MPPED2: variants seen among roughly 807,000 people sequenced by gnomAD.
MPPED2 encodes metallophosphoesterase domain containing 2.
A neutral mutation model predicts 33.0 loss-of-function variants in MPPED2; 5 were observed. That is an observed-to-expected ratio of 0.15 (90% confidence interval 0.08 to 0.32). The LOEUF (loss-of-function observed/expected upper bound fraction) is 0.32. Ranked by LOEUF, MPPED2 falls within the 10% of genes least tolerant of loss-of-function variation. The pLI is 1.00. For missense variants in MPPED2, 275 were observed against 372.1 expected (o/e 0.74, Z 2.15); for synonymous variants, 136 against 141.9 (o/e 0.96, Z 0.29).
downstream of MPPED2, among the ~76,000 whole-genome samples, chr11:30,405,443 T>A (rs1947974698): frequency 6.6e-6 from 1 of 152,216 alleles, no homozygotes; most frequent in African/African-American, 2.4e-5. Context: ...TTAGTTCCAC[T>A]GTGGCTGTGC....
In MPPED2 at chr11:30,417,546, G is replaced by A. The variant is rs780944866; in HGVS notation, c.624C>T (p.Asp208=). The change falls in exon 5 of 7, where the codon GAC becomes GAT. Residue 208 remains aspartate, a synonymous_variant. Transcript: ENST00000358117. ...DKWNLIPEGI[D]ILMTHGPPLG... ...GAGGAGGTCCATGTGTCATGAGTAT[G>A]TCAATGCCCTCAGGGATGAGGTTCC... The A allele has an allele frequency of 6.2e-7, 1 of 1,612,184 alleles. No individual in the cohort carries two copies. The highest frequency in any genetic ancestry group is 1.1e-5 in the South Asian group (1 of 91,018).
At chr11:30,425,460 C>T (rs1052024010) in intron 4 of MPPED2, 2 of 152,164 alleles carry the variant, frequency 1.3e-5, no homozygotes, top group African/African-American at 2.4e-5. Context: ...AGCATACCTG[C>T]CTTTAATCTT....
chr11:30,554,513 G>A (rs1955874393), intron 2 of MPPED2, among the ~76,000 whole-genome samples: 1 of 152,100 alleles, frequency 6.6e-6, no homozygotes, highest in Admixed American at 6.5e-5. Flanking sequence ...GTTTCATTCT[G>A]AGATAGAGTC....
At chr11:30,506,802 T>C (rs1952846451) in intron 3 of MPPED2, among the ~76,000 whole-genome samples, 1 of 152,252 alleles carries the variant, frequency 6.6e-6, no homozygotes, top group African/African-American at 2.4e-5. Flanking sequence ...TAATAACTAC[T>C]GTCATTTTTG....
chr11:30,395,682 A>C (rs1947831914), intron 6 of MPPED2, among the ~76,000 whole-genome samples: 1 of 152,192 alleles, frequency 6.6e-6, no homozygotes, highest in South Asian at 2.1e-4. Context: ...GTGAGTTAAT[A>C]ATCTAAGAGT....
intron 3 of MPPED2, among the ~76,000 whole-genome samples, chr11:30,508,656 A>G (rs1373104529): frequency 6.6e-6 from 1 of 152,166 alleles, no homozygotes; most frequent in Non-Finnish European, 1.5e-5. Flanking sequence ...CAAAATACAA[A>G]TCTGATCATA....
intron 4 of MPPED2, among the ~76,000 whole-genome samples, chr11:30,420,756 A>G (rs1388900112): frequency 6.6e-6 from 1 of 152,170 alleles, no homozygotes; most frequent in East Asian, 1.9e-4. Flanking sequence ...GAGTTCAAAG[A>G]ATCAGTCTTT....
rs1209602086 is a variant in MPPED2, at chr11:30,410,529, T to G, written c.*939A>C. On this transcript the variant is annotated 3_prime_UTR_variant, in exon 7 of 7. Coordinates refer to ENST00000358117, the MANE Select transcript of MPPED2 (RefSeq NM_001584.3). ...TTAGTTAGCTTCCATTGCATCCATTTAAGTCTATACATGCCTGTAACTGTA... is the reference window on the plus strand; with the variant it reads ...TTAGTTAGCTTCCATTGCATCCATTGAAGTCTATACATGCCTGTAACTGTA... 2.0e-6 allele frequency: 2 copies of G among 985,614 alleles called. No individual in the cohort carries two copies. Among genetic ancestry groups the G allele is most frequent in the East Asian group, 2.3e-4 (2 of 8,826 alleles). 61.1% of individuals were successfully genotyped at this position (985,614 alleles called of 1,614,324 possible).
intron 2 of MPPED2, 110 bp from the exon 3 acceptor site, chr11:30,536,285 C>T (rs1383850393): frequency 1.9e-5 from 18 of 969,616 alleles, no homozygotes; most frequent in Admixed American, 1.1e-4. Flanking sequence ...GACAAACTGA[C>T]GCAAAGGCAG....
At chr11:30,495,829 A>G (rs1385340822) in intron 3 of MPPED2, among the ~76,000 whole-genome samples, 2 of 152,190 alleles carry the variant, frequency 1.3e-5, no homozygotes, top group Non-Finnish European at 2.9e-5. Flanking sequence ...TCCACACTTT[A>G]TATTTATCCA....
intron 2 of MPPED2, among the ~76,000 whole-genome samples, chr11:30,566,017 T>TA (rs201730390): frequency 1.3e-3 from 191 of 150,410 alleles, no homozygotes; most frequent in African/African-American, 4.3e-3. Context: ...AGTTTACTAT[T>TA]AAAAAAAAAA....
chr11:30,553,365 A>C (rs1451904856), intron 2 of MPPED2, among the ~76,000 whole-genome samples: 1 of 152,228 alleles, frequency 6.6e-6, no homozygotes, highest in Admixed American at 6.5e-5. Flanking sequence ...AGGCTCTTTT[A>C]ACACCCTCAT....
rs551018663 is a variant in MPPED2, at chr11:30,497,086, G to A, written c.311-1565C>T. Among the ~76,000 whole-genome samples the A allele has an allele frequency of 9.2e-5, 14 of 152,252 alleles. No homozygotes were observed. The South Asian group carries it at 1.9e-3, about 20-fold the overall frequency. ...ACTAGCCCACAGTGCTGTATGTCAC[G>A]TCTTTGGCCTCAGTTATTTGTAAGG... is the stretch of plus-strand genomic sequence containing the variant. On this transcript the variant is annotated intron_variant, in intron 3 of 6. Coordinates refer to ENST00000358117, the MANE Select transcript of MPPED2 (RefSeq NM_001584.3).
downstream of MPPED2, among the ~76,000 whole-genome samples, chr11:30,408,459 G>A (rs554238155): frequency 4.3e-4 from 66 of 152,232 alleles, 1 homozygote; most frequent in South Asian, 8.3e-3. Context: ...TTACAGGCAT[G>A]TGCCACCACG....
In MPPED2 at chr11:30,557,843, A is replaced by T. The variant is rs571384916; in HGVS notation, c.129-21668T>A. ...CCATGAGGGATCCAATCAAAGAAACATTAGCCTGGTAAGAAGAGCCTCATG... is the reference window on the plus strand; with the variant it reads ...CCATGAGGGATCCAATCAAAGAAACTTTAGCCTGGTAAGAAGAGCCTCATG... On this transcript the variant is annotated intron_variant, in intron 2 of 6. Transcript: ENST00000358117. Among the ~76,000 whole-genome samples, 3 of 152,346 alleles carry T rather than the reference A, an allele frequency of 2.0e-5. 1 individual carries two copies. Among genetic ancestry groups the T allele is most frequent in the South Asian group, 4.1e-4 (2 of 4,824 alleles).
chr11:30,421,613 A>G (rs1259607685), intron 4 of MPPED2, among the ~76,000 whole-genome samples: 1 of 152,174 alleles, frequency 6.6e-6, no homozygotes, highest in Non-Finnish European at 1.5e-5. Context: ...CCTGAATATC[A>G]GGGATATCAA....
chr11:30,550,508 C>T (rs899568230), intron 2 of MPPED2, among the ~76,000 whole-genome samples: 46 of 152,150 alleles, frequency 3.0e-4, no homozygotes, highest in Non-Finnish European at 1.0e-4. Flanking sequence ...AGCAAAACTT[C>T]CCAGAGCACT....
At chr11:30,488,511 G>A (rs1951836114) in intron 4 of MPPED2, among the ~76,000 whole-genome samples, 2 of 152,310 alleles carry the variant, frequency 1.3e-5, no homozygotes, top group East Asian at 3.9e-4. Flanking sequence ...AGAAAGGGAC[G>A]AGTGAGATCC....
At chr11:30,556,234 C>A (rs925247092) in intron 2 of MPPED2, among the ~76,000 whole-genome samples, 1 of 152,122 alleles carries the variant, frequency 6.6e-6, no homozygotes, top group African/African-American at 2.4e-5. Flanking sequence ...CTTCTCTAAC[C>A]AGTATTAGTC....
Sources: gnomAD v4.1 joint callset for allele counts (sites outside exome capture counted in the v4.1 genomes callset) on GRCh38, gnomAD v4.1.1 for gene constraint, MANE v1.5 for transcripts, NCBI Gene and HGNC (gene_info 2026-07-23, HGNC 2026-07-21) for gene names.